The following SAYSD1 variants were observed in gnomAD, a reference collection of about 807,000 sequenced individuals.
SAYSD1 encodes the protein SAYSVFN motif domain containing 1, also known as SAYSvFN domain-containing protein 1.
A neutral mutation model predicts 14.5 loss-of-function variants in SAYSD1; 15 were observed. The observed-to-expected ratio is 1.03, with a 90% confidence interval of 0.69 to 1.59. The LOEUF is 1.59. SAYSD1 is among the 40% of genes most tolerant of loss of function. The pLI is 0.00. For synonymous variants in SAYSD1, 105 were observed against 102.6 expected (o/e 1.02, Z -0.14); for missense variants, 247 against 227.3 (o/e 1.09, Z -0.56).
chr6:39,114,706 A>C (rs928540383), intron 1 of SAYSD1, among the ~76,000 whole-genome samples, 177 bp downstream of exon 1: 1 of 152,218 alleles, frequency 6.6e-6, no homozygotes, highest in African/African-American at 2.4e-5. Flanking sequence ...AGAAAATGTC[A>C]AAACTGGTAA....
chr6:39,111,189 A>T (rs563439325), intron 1 of SAYSD1: 1 of 152,294 alleles, frequency 6.6e-6, no homozygotes, highest in South Asian at 2.1e-4. Context: ...GAAAGGGAGA[A>T]GGGCCTCCTG....
chr6:39,115,169 G>T lies in SAYSD1; in HGVS notation c.-80C>A. On this transcript the variant is annotated 5_prime_UTR_variant, in exon 1 of 2. Coordinates refer to ENST00000229903, the MANE Select transcript of SAYSD1 (RefSeq NM_018322.3). ...CAGCAGTTGCCTCCGCTCGGCCCGC[G>T]CCGGCCGCCGTGCGCCTGCGTGGCA... 1.5e-6 allele frequency: 2 copies of T among 1,349,936 alleles called. No homozygotes were observed. The highest frequency in any genetic ancestry group is 5.1e-5 in the East Asian group (2 of 39,210). 83.6% of individuals were successfully genotyped at this position (1,349,936 alleles called of 1,614,324 possible).
At chr6:39,107,072 C>A (rs1769520326) in intron 1 of SAYSD1, among the ~76,000 whole-genome samples, 1 of 152,236 alleles carries the variant, frequency 6.6e-6, no homozygotes, top group Admixed American at 6.5e-5. Context: ...ACAAGATCTT[C>A]TATATTAATT....
chr6:39,106,277 C>T (rs749652904), intron 1 of SAYSD1, among the ~76,000 whole-genome samples: 4 of 152,102 alleles, frequency 2.6e-5, no homozygotes, highest in Non-Finnish European at 4.4e-5. Flanking sequence ...CCTGTAATCC[C>T]AGCACTTTGG....
chr6:39,113,327 T>C (rs906963757), intron 1 of SAYSD1: 3 of 152,510 alleles, frequency 2.0e-5, no homozygotes, highest in African/African-American at 7.2e-5. Flanking sequence ...TTTAAAAAAA[T>C]AGAATGCTAA....
At chr6:39,108,477 G>A (rs991374092) in intron 1 of SAYSD1, among the ~76,000 whole-genome samples, 1 of 151,990 alleles carries the variant, frequency 6.6e-6, no homozygotes, top group Non-Finnish European at 1.5e-5. Context: ...GGAGAGATAC[G>A]GACATTCTTC....
intron 1 of SAYSD1, among the ~76,000 whole-genome samples, chr6:39,114,103 T>G (rs1449919386): frequency 6.6e-6 from 1 of 152,210 alleles, no homozygotes; most frequent in African/African-American, 2.4e-5. Flanking sequence ...AACAAAGCAC[T>G]GGGCACAAAT....
At chr6:39,113,315 A>C (rs1306409397) in intron 1 of SAYSD1, 1 of 152,666 alleles carries the variant, frequency 6.6e-6, no homozygotes, top group Non-Finnish European at 1.5e-5. Flanking sequence ...AATTAAAAAT[A>C]ATTTAAAAAA....
rs1395910211 is a variant in SAYSD1, at chr6:39,104,129, TTCAGTTCAGACAGAAC to T, written c.*1287_*1302del. On this transcript the variant is annotated 3_prime_UTR_variant, in exon 2 of 2. Coordinates refer to ENST00000229903, the MANE Select transcript of SAYSD1 (RefSeq NM_018322.3). ...ATCTGTTTCCCATACTTTTTACATG[TTCAGTTCAGACAGAAC>T]TCATGGAAGAAAAGACTTTTCTGTG... The T allele has an allele frequency of 6.6e-6, 1 of 152,080 alleles. No individual in the cohort carries two copies. The highest frequency in any genetic ancestry group is 2.4e-5 in the African/African-American group (1 of 41,320). The allele number at this position is 152,080 out of a possible 1,614,324, so 9.4% of individuals were successfully genotyped here.
intron 1 of SAYSD1, 83 bp downstream of exon 1, chr6:39,114,800 G>A (rs900104908): frequency 7.0e-7 from 1 of 1,419,426 alleles, no homozygotes; most frequent in African/African-American, 1.4e-5. Context: ...CGGCAGCTAG[G>A]GCCACACCCC....
intron 1 of SAYSD1, chr6:39,110,245 A>C (rs1769601098): frequency 6.5e-6 from 1 of 153,154 alleles, no homozygotes; most frequent in Non-Finnish European, 1.5e-5. Context: ...AAGTGGGGTG[A>C]TGTCCTAAAG....
At position 39,105,045 on chromosome 6, in the gene SAYSD1, A is replaced by C. The variant is rs1391315380; in HGVS notation, c.*387T>G. 3.0e-5 allele frequency: 5 copies of C among 169,438 alleles called. No homozygotes were observed. The highest frequency in any genetic ancestry group is 1.2e-4 in the African/African-American group (5 of 40,896). The allele number at this position is 169,438 out of a possible 1,614,324, so 10.5% of individuals were successfully genotyped here. Reference sequence around the variant, plus strand: ...AATTGCTATAAATGTTAAAAGACTTAAAGAGAACATTGACAATGCAGCCCT... The same window carrying C: ...AATTGCTATAAATGTTAAAAGACTTCAAGAGAACATTGACAATGCAGCCCT... On this transcript the variant is annotated 3_prime_UTR_variant, in exon 2 of 2. Coordinates refer to ENST00000229903, the MANE Select transcript of SAYSD1 (RefSeq NM_018322.3).
intron 1 of SAYSD1, among the ~76,000 whole-genome samples, chr6:39,113,890 A>G (rs1054338455): frequency 6.6e-6 from 1 of 152,238 alleles, no homozygotes. Flanking sequence ...TCTGCAAGTC[A>G]GCTGGAATCC....
intron 1 of SAYSD1, among the ~76,000 whole-genome samples, chr6:39,108,267 T>A (rs925434649): frequency 6.6e-6 from 1 of 151,760 alleles, no homozygotes; most frequent in African/African-American, 2.4e-5. Context: ...CACTGAGAGG[T>A]TAAGTAATTT....
intron 1 of SAYSD1, chr6:39,111,227 T>A (rs904779399): frequency 6.6e-6 from 1 of 151,966 alleles, no homozygotes; most frequent in Non-Finnish European, 1.5e-5. Context: ...AAGCCTACCA[T>A]GGAAATGAAA....
chr6:39,112,289 A>AATT (rs1769643027), intron 1 of SAYSD1: 1 of 153,554 alleles, frequency 6.5e-6, no homozygotes. Flanking sequence ...TCAACAGCTT[A>AATT]ACGACCTCAA....
intron 1 of SAYSD1, among the ~76,000 whole-genome samples, chr6:39,114,313 T>G (rs1173930072): frequency 6.6e-6 from 1 of 152,252 alleles, no homozygotes; most frequent in African/African-American, 2.4e-5. Flanking sequence ...AATCACTTTT[T>G]TTTGTTTGTG....
intron 1 of SAYSD1, chr6:39,111,283 T>A (rs1047186243): frequency 1.1e-4 from 16 of 150,388 alleles, no homozygotes; most frequent in African/African-American, 3.4e-4. Context: ...CGAACAAACA[T>A]CCAAAGCAGA....
At chr6:39,109,444 C>G in intron 1 of SAYSD1, 1 of 1,543,156 alleles carries the variant, frequency 6.5e-7, no homozygotes, top group Non-Finnish European at 8.8e-7. Context: ...TGAAAAGATG[C>G]AGCGGCATTG....
Sources: allele counts gnomAD v4.1 joint callset (sites outside exome capture counted in the v4.1 genomes callset), GRCh38; gene constraint gnomAD v4.1.1; transcripts MANE v1.5; gene names NCBI Gene and HGNC (gene_info 2026-07-23, HGNC 2026-07-21).